Variants in PDGFA observed in about 807,000 individuals in gnomAD.
The protein encoded by PDGFA is platelet-derived growth factor subunit A.
In PDGFA, 9 loss-of-function variants were observed where a neutral mutation model predicts 25.6. The ratio of observed to expected loss-of-function variants is 0.35; its 90% CI spans 0.21 to 0.61. PDGFA has a LOEUF of 0.61. Ranked by LOEUF, PDGFA falls within the 20% of genes least tolerant of loss-of-function variation. PDGFA has a pLI of 0.75. For missense variants in PDGFA, 242 were observed against 272.8 expected (o/e 0.89, Z 0.79); for synonymous variants, 133 against 111.8 (o/e 1.19, Z -1.20).
At position 517,453 on chromosome 7, in the gene PDGFA, G is replaced by A; in HGVS notation, c.101C>T (p.Ala34Val). Residue 34 changes from alanine to valine, a missense_variant, in exon 2 of 6, where the codon GCC becomes GTC. Around this residue, in one of 5 missense-constraint regions of PDGFA, gnomAD observed 113 missense variants for 98.3 expected, o/e 1.15. Coordinates refer to ENST00000402802, the Ensembl canonical transcript of PDGFA. This position sits in a 1 kb window ranked among gnomAD's most constrained non-coding sequence, Gnocchi z 7.4. ...CCGGATGCTGTGGATCTGACTGCGG[G>A]CCAGCCTCTCGATCACCTCGCGGGG... 7.2e-7 allele frequency: 1 copy of A among 1,382,394 alleles called. No homozygotes were observed. The highest frequency in any genetic ancestry group is 1.5e-5 in the African/African-American group (1 of 66,230). 85.6% of individuals were successfully genotyped at this position (1,382,394 alleles called of 1,614,324 possible).
intron 2 of PDGFA, among the ~76,000 whole-genome samples, chr7:516,454 C>T (rs1167413631): frequency 1.3e-5 from 2 of 152,318 alleles, no homozygotes; most frequent in East Asian, 3.9e-4. Flanking sequence ...TAACTTCTTC[C>T]AATTCTGCTG....
At position 517,272 on chromosome 7, in the gene PDGFA, T is replaced by G; in HGVS notation, c.160+122A>C. On this transcript the variant is annotated intron_variant, in intron 2 of 5. Coordinates refer to ENST00000402802, the Ensembl canonical transcript of PDGFA. The surrounding 1 kb of genome is among the most constrained non-coding windows in gnomAD (Gnocchi z 7.4). ...ACTCATCCGCCCGGGCGCTTATGGCTGGGGATTGGATTCTGACCTTTCGGT... is the reference window on the plus strand; with the variant it reads ...ACTCATCCGCCCGGGCGCTTATGGCGGGGGATTGGATTCTGACCTTTCGGT... 9.4e-6 allele frequency: 3 copies of G among 320,002 alleles called. No homozygotes were observed. The highest frequency in any genetic ancestry group is 1.7e-5 in the Non-Finnish European group (3 of 180,430). 19.8% of individuals were successfully genotyped at this position (320,002 alleles called of 1,614,324 possible). A position where few individuals can be genotyped will look rare whatever the true frequency, so the allele number is the denominator to read the frequency against.
At chr7:519,085 C>G in exon 1 of PDGFA, 1 of 1,069,754 alleles carries the variant, frequency 9.3e-7, no homozygotes, top group South Asian at 1.5e-5. Context: ...CGGCGAAATT[C>G]AGTACCATCC....
Position 518,252 on chromosome 7 carries a change from C to T in PDGFA, c.63+687G>A, listed in dbSNP as rs540917238. 3.3e-5 allele frequency among the ~76,000 whole-genome samples: 5 copies of T among 149,706 alleles called. No individual in the cohort carries two copies. In the South Asian group the frequency reaches 6.6e-4, roughly 20 times the overall value. On this transcript the variant is annotated intron_variant, in intron 1 of 5. Coordinates refer to ENST00000402802, the Ensembl canonical transcript of PDGFA. ...CCGATTTTTAAGGAGAGTCGGGGGT[C>T]GCTGGGGAGCCTGAAGCACTAAGTT... is the stretch of plus-strand genomic sequence containing the variant.
chr7:507,834 A>C (rs1479266147), intron 4 of PDGFA, among the ~76,000 whole-genome samples: 1 of 152,258 alleles, frequency 6.6e-6, no homozygotes, highest in East Asian at 1.9e-4. Flanking sequence ...AGGGGGACCC[A>C]GCCACACCTG....
intron 3 of PDGFA, among the ~76,000 whole-genome samples, chr7:512,029 G>A (rs1782875290): frequency 6.6e-6 from 1 of 152,222 alleles, no homozygotes; most frequent in African/African-American, 2.4e-5. Flanking sequence ...CTGGGGACAG[G>A]CCCCGACAAG....
chr7:510,905 G>T, exon 4 of PDGFA: 1 of 1,612,614 alleles, frequency 6.2e-7, no homozygotes, highest in South Asian at 1.1e-5. Context: ...ACGGGGGCCA[G>T]ATCAGGAAGT....
rs536452007 is a variant in PDGFA at position 498,745 on chromosome 7, A to G, written c.581-171T>C. Among the ~76,000 whole-genome samples the G allele has an allele frequency of 2.0e-5, 3 of 152,332 alleles. No individual in the cohort carries two copies. The East Asian group carries it at 5.8e-4, about 29-fold the overall frequency. On this transcript the variant is annotated intron_variant, in intron 5 of 5. Coordinates refer to ENST00000402802, the Ensembl canonical transcript of PDGFA. ...CAGAATCACATTTGCCACATTGGCC[A>G]TGTTGCAGTACCCTGACAGGAATTG...
intron 2 of PDGFA, 65 bp from the exon 3 acceptor site, chr7:512,520 G>A: frequency 6.2e-7 from 1 of 1,609,810 alleles, no homozygotes; most frequent in Non-Finnish European, 8.5e-7. Context: ...GGCCTGTCCA[G>A]CCGCACTTCC....
chr7:514,680 A>G (rs1484724151), intron 2 of PDGFA, among the ~76,000 whole-genome samples: 1 of 152,222 alleles, frequency 6.6e-6, no homozygotes, highest in Non-Finnish European at 1.5e-5. Flanking sequence ...TACTGGCCCG[A>G]GATGGGGCTA....
intron 4 of PDGFA, among the ~76,000 whole-genome samples, chr7:508,153 C>A (rs1782645122): frequency 6.6e-6 from 1 of 152,124 alleles, no homozygotes; most frequent in Non-Finnish European, 1.5e-5. Context: ...TCCCGGAGAA[C>A]CTTCTCCCCG....
chr7:498,322 T>TCTCTC (rs869204719), exon 6 of PDGFA: 12 of 465,882 alleles, frequency 2.6e-5, no homozygotes, highest in African/African-American at 4.1e-5. Context: ...CTCTCTCTCT[T>TCTCTC]TCTCTCTCTC....
intron 3 of PDGFA, 68 bp from the exon 4 acceptor site, chr7:511,064 G>A (rs1195449795): frequency 3.8e-6 from 5 of 1,328,468 alleles, no homozygotes; most frequent in Non-Finnish European, 5.3e-6. Flanking sequence ...CAGGGCTGAG[G>A]CGGCTCCAGC....
rs918691868 is a variant in PDGFA at position 502,240 on chromosome 7, A to T, written c.454-998T>A. Among the ~76,000 whole-genome samples the T allele has an allele frequency of 1.2e-4, 18 of 151,868 alleles. 1 individual carries two copies. The highest frequency in any genetic ancestry group is 2.2e-4 in the Non-Finnish European group (15 of 67,928). The stretch of plus-strand genomic sequence containing the variant: ...CTGTCTCTATTAATATTAAAAAAAA[A>T]TTTAAAGCCATGGCCTAGGAATGGG... On this transcript the variant is annotated intron_variant, in intron 4 of 5. Coordinates refer to ENST00000402802, the Ensembl canonical transcript of PDGFA.
At chr7:505,015 A>C (rs530872625) in intron 4 of PDGFA, among the ~76,000 whole-genome samples, 3 of 152,268 alleles carry the variant, frequency 2.0e-5, no homozygotes, top group African/African-American at 7.2e-5. Flanking sequence ...TTTATCAAAC[A>C]AAAACAAACA....
rs1384927247 is a variant in PDGFA at position 517,115 on chromosome 7, T to A, written c.160+279A>T. Among the ~76,000 whole-genome samples, 1 of 151,400 alleles carries A rather than the reference T, an allele frequency of 6.6e-6. No individual in the cohort carries two copies. The highest frequency in any genetic ancestry group is 2.4e-5 in the African/African-American group (1 of 41,284). ...AGGGCAGGCGCGGGGCCCGCACACC[T>A]GGCGGAGGCCGCGGCTGAACTTTGT... is the stretch of plus-strand genomic sequence containing the variant. On this transcript the variant is annotated intron_variant, in intron 2 of 5. Transcript: ENST00000402802. The surrounding 1 kb of genome is among the most constrained non-coding windows in gnomAD (Gnocchi z 7.4).
intron 2 of PDGFA, among the ~76,000 whole-genome samples, chr7:516,045 C>A (rs1379406842): frequency 4.6e-5 from 3 of 64,930 alleles, no homozygotes; most frequent in Non-Finnish European, 1.0e-4. Context: ...AAGCAGCCCC[C>A]CCCCCCCACT....
At chr7:505,402 G>C (rs1177338467) in intron 4 of PDGFA, among the ~76,000 whole-genome samples, 1 of 152,192 alleles carries the variant, frequency 6.6e-6, no homozygotes, top group African/African-American at 2.4e-5. Context: ...ACTCACCCAA[G>C]ACTACAACCC....
intron 5 of PDGFA, among the ~76,000 whole-genome samples, chr7:498,781 CACAGCATCTCACAGA>C (rs955480303): frequency 1.3e-5 from 2 of 152,220 alleles, no homozygotes; most frequent in African/African-American, 4.8e-5. Context: ...GGATTAGGCT[CACAGCATCTCACAGA>C]ACATGTCTAG....
Sources: gnomAD v4.1 joint callset for allele counts (sites outside exome capture counted in the v4.1 genomes callset) on GRCh38, gnomAD v4.1.1 for gene constraint, gnomAD v4.1.1 regional missense constraint, Gnocchi (gnomAD v3.1) non-coding constraint, MANE v1.5 for transcripts, NCBI Gene and HGNC (gene_info 2026-07-23, HGNC 2026-07-21) for gene names.